Variants in SPATS2 observed in about 807,000 individuals in gnomAD.
SPATS2 encodes the protein spermatogenesis-associated serine-rich protein 2.
A neutral mutation model predicts 63.7 loss-of-function variants in SPATS2; 38 were observed. That is an observed-to-expected ratio of 0.60 (90% CI 0.46 to 0.78). SPATS2 has a LOEUF of 0.78. Among genes scored for constraint, SPATS2 ranks in the 30% least tolerant of loss-of-function variants. The pLI is 0.00. For missense variants in SPATS2, 588 were observed against 666.2 expected (o/e 0.88, Z 1.29); for synonymous variants, 207 against 232.9 (o/e 0.89, Z 1.01).
intron 2 of SPATS2, among the ~76,000 whole-genome samples, chr12:49,454,898 A>C (rs942072390): frequency 5.3e-5 from 8 of 150,864 alleles, no homozygotes; most frequent in African/African-American, 1.7e-4. Flanking sequence ...AAAAAAAAAA[A>C]CAGTCCATTC....
intron 3 of SPATS2, among the ~76,000 whole-genome samples, chr12:49,461,931 GAA>G (rs1476724783): frequency 2.6e-5 from 4 of 152,110 alleles, no homozygotes; most frequent in African/African-American, 9.7e-5. Flanking sequence ...TTTACCAACG[GAA>G]AAGTTTTTTT....
chr12:49,524,467 A>G (rs896040072), intron 12 of SPATS2, among the ~76,000 whole-genome samples: 1 of 152,196 alleles, frequency 6.6e-6, no homozygotes, highest in Non-Finnish European at 1.5e-5. Flanking sequence ...TCTCTTGTCT[A>G]AGAATTCCTT....
chr12:49,495,967 A>G (rs1260990062), intron 7 of SPATS2, among the ~76,000 whole-genome samples: 1 of 152,158 alleles, frequency 6.6e-6, no homozygotes, highest in Admixed American at 6.6e-5. Flanking sequence ...TTCTTTGTTA[A>G]CCATTTTTTT....
chr12:49,381,058 G>A (rs1944211388), intron 2 of SPATS2, among the ~76,000 whole-genome samples: 1 of 152,046 alleles, frequency 6.6e-6, no homozygotes. Context: ...TGTTGTTGTT[G>A]TTGTTGTTGT....
intron 2 of SPATS2, among the ~76,000 whole-genome samples, chr12:49,414,938 T>TC (rs1465470994): frequency 2.7e-5 from 4 of 147,908 alleles, no homozygotes; most frequent in South Asian, 2.1e-4. Flanking sequence ...TCTTTTTCTT[T>TC]TCTTTTTTTT....
rs895446737 is a variant in SPATS2 at position 49,426,850 on chromosome 12, T to C, written c.-243-33920T>C. On this transcript the variant is annotated intron_variant, in intron 2 of 13. Coordinates refer to ENST00000552918, the MANE Select transcript of SPATS2 (RefSeq NM_023071.4). Reference sequence around the variant, plus strand: ...GAGCCACCGTGCCCAGCCTGTATCATATTCTATTCTGTGAATGTGTTACAA... The same window carrying C: ...GAGCCACCGTGCCCAGCCTGTATCACATTCTATTCTGTGAATGTGTTACAA... 2.4e-4 allele frequency among the ~76,000 whole-genome samples: 37 copies of C among 152,222 alleles called. 1 individual carries two copies. Among genetic ancestry groups the C allele is most frequent in the African/African-American group, 8.7e-4 (36 of 41,470 alleles).
At chr12:49,513,326 C>T (rs1946784175) in intron 9 of SPATS2, among the ~76,000 whole-genome samples, 1 of 151,952 alleles carries the variant, frequency 6.6e-6, no homozygotes, top group Non-Finnish European at 1.5e-5. Context: ...AGAATGAACT[C>T]CAAATTTGAA....
intron 2 of SPATS2, among the ~76,000 whole-genome samples, chr12:49,460,106 C>T (rs1401478649): frequency 2.7e-5 from 4 of 150,882 alleles, no homozygotes; most frequent in Non-Finnish European, 5.9e-5. Flanking sequence ...GAAACTCCGC[C>T]TCAAAAAAAC....
At chr12:49,457,259 G>C (rs1302938582) in intron 2 of SPATS2, among the ~76,000 whole-genome samples, 1 of 151,836 alleles carries the variant, frequency 6.6e-6, no homozygotes, top group South Asian at 2.1e-4. Flanking sequence ...TTTTATAGTA[G>C]GTTTGATAGC....
At chr12:49,505,801 A>G (rs1400196854) in intron 9 of SPATS2, among the ~76,000 whole-genome samples, 1 of 152,224 alleles carries the variant, frequency 6.6e-6, no homozygotes, top group Non-Finnish European at 1.5e-5. Flanking sequence ...TTGAATGTAT[A>G]TATTCAGACT....
chr12:49,475,222 A>G (rs1946098185), intron 3 of SPATS2, among the ~76,000 whole-genome samples: 1 of 152,236 alleles, frequency 6.6e-6, no homozygotes, highest in South Asian at 2.1e-4. Flanking sequence ...CACGCCAAAA[A>G]TAAAATGCAT....
Position 49,367,544 on chromosome 12 carries a change from G to T in SPATS2, c.-350G>T, listed in dbSNP as rs932856407. 5.0e-6 allele frequency: 2 copies of T among 398,348 alleles called. No homozygotes were observed. The highest frequency in any genetic ancestry group is 4.4e-6 in the Non-Finnish European group (1 of 226,148). 24.7% of individuals were successfully genotyped at this position (398,348 alleles called of 1,614,324 possible). ...GACCCGGGAGCGTCCGGGACGCGGA[G>T]CCCGGAGCTGGGGCGACGAGGCGAT... On this transcript the variant is annotated 5_prime_UTR_variant, in exon 1 of 14. Coordinates refer to ENST00000552918, the MANE Select transcript of SPATS2 (RefSeq NM_023071.4).
At chr12:49,524,270 C>G (rs1208823110) in intron 12 of SPATS2, among the ~76,000 whole-genome samples, 1 of 151,648 alleles carries the variant, frequency 6.6e-6, no homozygotes, top group Non-Finnish European at 1.5e-5. Flanking sequence ...ATTTATGTAC[C>G]TTTTTCTTTC....
At chr12:49,369,306 C>T (rs1024070969) in intron 1 of SPATS2, among the ~76,000 whole-genome samples, 10 of 152,098 alleles carry the variant, frequency 6.6e-5, no homozygotes, top group East Asian at 3.9e-4. Context: ...GGATTACAGG[C>T]GTGAGCCACC....
chr12:49,472,289 C>A (rs1447212058), intron 3 of SPATS2, among the ~76,000 whole-genome samples: 3 of 151,920 alleles, frequency 2.0e-5, no homozygotes, highest in African/African-American at 7.3e-5. Flanking sequence ...CACCCACCTC[C>A]AATGGGTTTA....
chr12:49,393,657 G>A (rs761042688), intron 2 of SPATS2, among the ~76,000 whole-genome samples: 2 of 152,054 alleles, frequency 1.3e-5, no homozygotes, highest in Non-Finnish European at 2.9e-5. Context: ...TTCAGGCACC[G>A]TAGACATTAT....
intron 10 of SPATS2, among the ~76,000 whole-genome samples, chr12:49,515,201 AG>A (rs1437728363): frequency 1.3e-5 from 2 of 152,238 alleles, no homozygotes; most frequent in Non-Finnish European, 1.5e-5. Flanking sequence ...GGTTTTGTAC[AG>A]AAAAAACAGA....
chr12:49,497,065 G>A, intron 8 of SPATS2, 56 bp downstream of exon 8: 2 of 1,475,988 alleles, frequency 1.4e-6, no homozygotes, highest in Non-Finnish European at 1.8e-6. Flanking sequence ...TTTGGCTAAA[G>A]AGGGCAAATT....
chr12:49,465,982 G>T (rs1360297372), intron 3 of SPATS2, among the ~76,000 whole-genome samples: 2 of 149,704 alleles, frequency 1.3e-5, no homozygotes, highest in Non-Finnish European at 3.0e-5. Flanking sequence ...AAAAGTAGAA[G>T]TTTTAAATTT....
Sources: allele counts gnomAD v4.1 joint callset (sites outside exome capture counted in the v4.1 genomes callset), GRCh38; gene constraint gnomAD v4.1.1; transcripts MANE v1.5; gene names NCBI Gene and HGNC (gene_info 2026-07-23, HGNC 2026-07-21).